Variants in SLCO1A2 observed in about 807,000 individuals in gnomAD.
SLCO1A2 encodes solute carrier organic anion transporter family member 1A2.
A neutral mutation model predicts 69.0 loss-of-function variants in SLCO1A2; 67 were observed. That is an observed-to-expected ratio of 0.97 (90% CI 0.80 to 1.19). The LOEUF is 1.19. Among genes scored for constraint, SLCO1A2 ranks in the 50% most tolerant of loss-of-function variants. The pLI is 0.00. For synonymous variants in SLCO1A2, 260 were observed against 265.9 expected (o/e 0.98, Z 0.22); for missense variants, 787 against 793.7 (o/e 0.99, Z 0.10).
Position 21,295,744 on chromosome 12 carries a change from A to G in SLCO1A2, c.1124T>C (p.Leu375Ser). ...PICIGYIIGG[L>S]IMKKFKITVK... ...AGTAATCTTGAACTTCTTCATAATT[A>G]AACCACCAATTATATATCCAATACA... Residue 375 changes from leucine to serine, a missense_variant, in exon 10 of 15, where the codon TTA becomes TCA. Transcript: ENST00000683939. The G allele has an allele frequency of 6.2e-7, 1 of 1,602,462 alleles. No individual in the cohort carries two copies. Among genetic ancestry groups the G allele is most frequent in the Non-Finnish European group, 8.5e-7 (1 of 1,169,696 alleles).
intron 14 of SLCO1A2, chr12:21,274,185 T>C (rs1371767580): frequency 2.1e-5 from 6 of 282,642 alleles, no homozygotes; most frequent in Non-Finnish European, 4.1e-5. Flanking sequence ...GTACAACCAT[T>C]ACCTTCAATA....
rs1165436219 is a variant in SLCO1A2 at position 21,304,572 on chromosome 12, C to G, written c.444G>C (p.Glu148Asp). 6.3e-7 allele frequency: 1 copy of G among 1,579,304 alleles called. No homozygotes were observed. ...QILRPTQDPS[E>D]CTKEVKSLMW... ...TTAATGATTTAACTTCCTTTGTACA[C>G]TCTGCATTAAAAAAAAAAGACATGA... Residue 148 changes from glutamate to aspartate, a missense_variant and splice_region_variant, in exon 6 of 15, where the codon GAG becomes GAC. Transcript: ENST00000683939.
chr12:21,349,022 C>T (rs11837182), intron 2 of SLCO1A2, among the ~76,000 whole-genome samples: 21,596 of 152,020 alleles, frequency 0.14, 2,048 homozygotes, highest in African/African-American at 0.27. Flanking sequence ...GGGTAGGAGG[C>T]ATATGGGAAA....
In SLCO1A2 at chr12:21,306,989, C is replaced by A; in HGVS notation, c.336-1G>T. On this transcript the variant is annotated splice_acceptor_variant, in intron 4 of 14. Transcript: ENST00000683939. LOFTEE classifies it high-confidence loss of function. ...TGAAACTGTAGATTCATATTCATATCTGTATAAACACAGGGAAAATGAGTT... is the reference window on the plus strand; with the variant it reads ...TGAAACTGTAGATTCATATTCATATATGTATAAACACAGGGAAAATGAGTT... 1.3e-6 allele frequency: 2 copies of A among 1,593,570 alleles called. No homozygotes were observed. The highest frequency in any genetic ancestry group is 1.7e-6 in the Non-Finnish European group (2 of 1,161,506).
At chr12:21,300,194 G>A (rs1948525886) in intron 8 of SLCO1A2, among the ~76,000 whole-genome samples, 154 bp downstream of exon 8, 2 of 151,736 alleles carry the variant, frequency 1.3e-5, no homozygotes, top group Admixed American at 1.3e-4. Flanking sequence ...AGTACCATAG[G>A]AAGAATCGGA....
intron 1 of SLCO1A2, among the ~76,000 whole-genome samples, chr12:21,383,403 C>T (rs1224601682): frequency 6.6e-6 from 1 of 152,142 alleles, no homozygotes; most frequent in Non-Finnish European, 1.5e-5. Flanking sequence ...TCTATATTTT[C>T]ATCTGCCTCA....
At chr12:21,310,683 A>G (rs12300690) in intron 4 of SLCO1A2, among the ~76,000 whole-genome samples, 2,342 of 152,268 alleles carry the variant, frequency 0.015, 56 homozygotes, top group African/African-American at 0.053. Context: ...GCGCACTGCA[A>G]GCTCTGCCTC....
At chr12:21,324,338 A>G (rs557070877) in intron 2 of SLCO1A2, among the ~76,000 whole-genome samples, 1 of 152,328 alleles carries the variant, frequency 6.6e-6, no homozygotes, top group South Asian at 2.1e-4. Context: ...AAATTATAGT[A>G]AGACCAGTTT....
upstream of SLCO1A2, among the ~76,000 whole-genome samples, chr12:21,397,006 A>G (rs1941491281): frequency 6.6e-6 from 1 of 151,852 alleles, no homozygotes; most frequent in Admixed American, 6.6e-5. Flanking sequence ...TGACAGGATC[A>G]AATTCACACA....
chr12:21,306,955 G>T lies in SLCO1A2; in HGVS notation c.369C>A (p.Gly123=). 6.2e-7 allele frequency: 1 copy of T among 1,613,448 alleles called. No individual in the cohort carries two copies. The highest frequency in any genetic ancestry group is 8.5e-7 in the Non-Finnish European group (1 of 1,179,498). Residue 123 remains glycine (G), a synonymous_variant, in exon 5 of 15, where the codon GGC becomes GGA. Transcript: ENST00000683939. ...YEYESTVSVS[G]NLSSNSFLCM... is the part of the protein sequence containing the mutation. Reference sequence around the variant, plus strand: ...ACAAGAAACTGTTTGAGGACAAGTTGCCTGAAACTGAAACTGTAGATTCAT... The same window carrying T: ...ACAAGAAACTGTTTGAGGACAAGTTTCCTGAAACTGAAACTGTAGATTCAT...
At chr12:21,389,005 T>C (rs1291554081) in intron 1 of SLCO1A2, among the ~76,000 whole-genome samples, 1 of 152,186 alleles carries the variant, frequency 6.6e-6, no homozygotes, top group Non-Finnish European at 1.5e-5. Context: ...TAAGACACAA[T>C]GTACTGAGCC....
At chr12:21,410,759 G>A (rs1039141228) in intron 1 of SLCO1A2, among the ~76,000 whole-genome samples, 2 of 151,990 alleles carry the variant, frequency 1.3e-5, no homozygotes, top group Admixed American at 1.3e-4. Context: ...ATATTTTCAA[G>A]GTTTTTATTT....
chr12:21,384,242 C>G (rs1940754628), intron 1 of SLCO1A2, among the ~76,000 whole-genome samples: 1 of 151,822 alleles, frequency 6.6e-6, no homozygotes, highest in African/African-American at 2.4e-5. Flanking sequence ...AAAGCGGGTA[C>G]AAAACAATGC....
At chr12:21,398,605 A>G (rs1941565989), upstream of SLCO1A2, among the ~76,000 whole-genome samples, 1 of 152,076 alleles carries the variant, frequency 6.6e-6, no homozygotes. Context: ...TCCTTGATGA[A>G]CATTGATGCA....
intron 4 of SLCO1A2, among the ~76,000 whole-genome samples, chr12:21,312,848 C>T (rs1320274249): frequency 2.0e-5 from 3 of 152,062 alleles, no homozygotes; most frequent in South Asian, 2.1e-4. Context: ...CTGAGGCAGG[C>T]GCATTGCTTG....
At chr12:21,412,541 C>T (rs1029552377) in intron 1 of SLCO1A2, among the ~76,000 whole-genome samples, 1 of 152,028 alleles carries the variant, frequency 6.6e-6, no homozygotes, top group African/African-American at 2.4e-5. Flanking sequence ...TGATTAATTG[C>T]ACTTATGAAT....
chr12:21,386,035 G>C (rs1035382541), intron 1 of SLCO1A2, among the ~76,000 whole-genome samples: 2 of 152,160 alleles, frequency 1.3e-5, no homozygotes, highest in African/African-American at 4.8e-5. Context: ...GCTATGCCAA[G>C]AGATATTGTC....
rs932120349 is a variant in SLCO1A2, at chr12:21,334,866, G to T, written c.-102C>A. 3 of 431,298 alleles carry T rather than the reference G, an allele frequency of 7.0e-6. No homozygotes were observed. Among genetic ancestry groups the T allele is most frequent in the African/African-American group, 6.2e-5 (3 of 48,404 alleles). The allele number at this position is 431,298 out of a possible 1,614,324, so 26.7% of individuals were successfully genotyped here. A position where few individuals can be genotyped will look rare whatever the true frequency, so the allele number is the denominator to read the frequency against. On this transcript the variant is annotated 5_prime_UTR_variant, in exon 1 of 15. Coordinates refer to ENST00000683939, the MANE Select transcript of SLCO1A2 (RefSeq NM_001386879.1). ...TACAGATTAGAAAATCATGGTGTTA[G>T]AGAAGATTTAGTTGTTGGTTTTCTA...
At chr12:21,300,708 CTAA>C (rs1290207075) in intron 7 of SLCO1A2, 139 bp from the exon 8 acceptor site, 3 of 626,748 alleles carry the variant, frequency 4.8e-6, no homozygotes, top group Non-Finnish European at 7.8e-6. Context: ...TAAAATTTTT[CTAA>C]TAATATGTGG....
Sources: gnomAD v4.1 joint callset for allele counts (sites outside exome capture counted in the v4.1 genomes callset) on GRCh38, gnomAD v4.1.1 for gene constraint, MANE v1.5 for transcripts, NCBI Gene and HGNC (gene_info 2026-07-23, HGNC 2026-07-21) for gene names.